Variants in CYP7B1 observed in about 807,000 individuals in gnomAD.
CYP7B1 encodes the protein cytochrome P450 7B1.
A neutral mutation model predicts 42.7 loss-of-function variants in CYP7B1; 29 were observed. The ratio of observed to expected loss-of-function variants is 0.68; its 90% confidence interval spans 0.51 to 0.93. The LOEUF (loss-of-function observed/expected upper bound fraction) is 0.93, where lower values mean the gene tolerates loss of function less well. Ranked by LOEUF, CYP7B1 falls within the 40% of genes least tolerant of loss-of-function variation. CYP7B1 has a pLI of 0.00. For synonymous variants in CYP7B1, 235 were observed against 218.2 expected (o/e 1.08, Z -0.68); for missense variants, 655 against 600.5 (o/e 1.09, Z -0.95).
intron 1 of CYP7B1, among the ~76,000 whole-genome samples, chr8:64,773,318 T>G (rs1352882920): frequency 1.3e-5 from 2 of 152,220 alleles, no homozygotes; most frequent in Non-Finnish European, 2.9e-5. Flanking sequence ...TGTACACTTG[T>G]TTCTCTTTAG....
chr8:64,794,622 T>C (rs1804676593), intron 1 of CYP7B1, among the ~76,000 whole-genome samples: 2 of 152,102 alleles, frequency 1.3e-5, no homozygotes, highest in Non-Finnish European at 2.9e-5. Flanking sequence ...ACTAATCTCA[T>C]CTATGAAGGC....
chr8:64,725,542 T>C (rs893062855), intron 1 of CYP7B1, among the ~76,000 whole-genome samples: 1 of 152,164 alleles, frequency 6.6e-6, no homozygotes, highest in African/African-American at 2.4e-5. Flanking sequence ...TGCCCTAGGG[T>C]TTCAGAAGGT....
chr8:64,796,557 A>G (rs899486343), intron 1 of CYP7B1, among the ~76,000 whole-genome samples: 7 of 152,220 alleles, frequency 4.6e-5, no homozygotes, highest in Non-Finnish European at 8.8e-5. Context: ...GTTTGGCAAC[A>G]TCTATTAAAA....
chr8:64,710,894 C>A (rs942360730), intron 1 of CYP7B1, among the ~76,000 whole-genome samples: 2 of 151,778 alleles, frequency 1.3e-5, no homozygotes, highest in Non-Finnish European at 2.9e-5. Flanking sequence ...ATTCAAGCAG[C>A]CCAATTTTAA....
rs566737324 is a variant in CYP7B1 at position 64,687,761 on chromosome 8, G to A, written c.123-63222C>T. Among the ~76,000 whole-genome samples the A allele has an allele frequency of 1.8e-4, 28 of 152,212 alleles. No individual in the cohort carries two copies. In the South Asian group the frequency reaches 5.2e-3, roughly 28 times the overall value. ...TCCTTGGATAATTCAGAGTTTCTCC[G>A]AGTATTTTTCAAGTATGTGTTACTC... On this transcript the variant is annotated intron_variant, in intron 1 of 5. Transcript: ENST00000310193.
chr8:64,650,859 G>A lies in CYP7B1; in HGVS notation c.123-26320C>T, dbSNP rs193165870. 2.7e-4 allele frequency among the ~76,000 whole-genome samples: 41 copies of A among 152,206 alleles called. 1 individual carries two copies. In the East Asian group the frequency reaches 6.8e-3, roughly 25 times the overall value. On this transcript the variant is annotated intron_variant, in intron 1 of 5. Coordinates refer to ENST00000310193, the MANE Select transcript of CYP7B1 (RefSeq NM_004820.5). ...GGCCTTCACCTGTCCTTTCATCCCAGCAAATACACCTTCTTCTAGAGTATT... is the reference window on the plus strand; with the variant it reads ...GGCCTTCACCTGTCCTTTCATCCCAACAAATACACCTTCTTCTAGAGTATT...
At chr8:64,646,872 C>T (rs76181517) in intron 1 of CYP7B1, among the ~76,000 whole-genome samples, 3,258 of 152,252 alleles carry the variant, frequency 0.021, 116 homozygotes, top group African/African-American at 0.072. Context: ...CTTTCTCACA[C>T]GTGTGTTCAC....
chr8:64,606,437 T>C (rs748967245), intron 4 of CYP7B1, among the ~76,000 whole-genome samples: 1 of 152,236 alleles, frequency 6.6e-6, no homozygotes, highest in Non-Finnish European at 1.5e-5. Context: ...CTGACATATG[T>C]AGCAATGCTA....
chr8:64,765,323 A>G (rs1397328132), intron 1 of CYP7B1, among the ~76,000 whole-genome samples: 1 of 152,196 alleles, frequency 6.6e-6, no homozygotes, highest in Admixed American at 6.5e-5. Flanking sequence ...TTCACATTGG[A>G]AAAAAATGGT....
intron 5 of CYP7B1, among the ~76,000 whole-genome samples, chr8:64,600,839 G>A (rs1197887086): frequency 6.6e-6 from 1 of 152,174 alleles, no homozygotes; most frequent in Non-Finnish European, 1.5e-5. Context: ...TGGTATGGCA[G>A]AAAACTTTTC....
chr8:64,733,260 C>T (rs1329032268), intron 1 of CYP7B1, among the ~76,000 whole-genome samples: 2 of 152,136 alleles, frequency 1.3e-5, no homozygotes, highest in East Asian at 1.9e-4. Flanking sequence ...ATGGGTCCCC[C>T]TACTATATTG....
At chr8:64,628,813 A>G (rs1014051686) in intron 1 of CYP7B1, among the ~76,000 whole-genome samples, 1 of 152,224 alleles carries the variant, frequency 6.6e-6, no homozygotes, top group Non-Finnish European at 1.5e-5. Flanking sequence ...AGAGTAGACC[A>G]ACACAGAATA....
intron 1 of CYP7B1, among the ~76,000 whole-genome samples, chr8:64,670,131 C>T (rs1026632913): frequency 6.6e-6 from 1 of 152,202 alleles, no homozygotes. Context: ...TTGTCTGTGC[C>T]GTGCCCTGTT....
chr8:64,698,278 G>T (rs1018859819), intron 1 of CYP7B1, among the ~76,000 whole-genome samples: 1 of 152,060 alleles, frequency 6.6e-6, no homozygotes, highest in Non-Finnish European at 1.5e-5. Flanking sequence ...TGCAGATCAC[G>T]TTGGCATGGT....
intron 1 of CYP7B1, chr8:64,703,723 A>G (rs1806951959): frequency 6.6e-6 from 1 of 152,092 alleles, no homozygotes; most frequent in South Asian, 2.1e-4. Flanking sequence ...ACAACAAGAC[A>G]AAATATTTTG....
intron 1 of CYP7B1, among the ~76,000 whole-genome samples, chr8:64,792,572 T>C (rs991930902): frequency 2.0e-5 from 3 of 152,154 alleles, no homozygotes; most frequent in Admixed American, 1.3e-4. Context: ...CAATGACTAA[T>C]AGTTGCCCTC....
intron 1 of CYP7B1, among the ~76,000 whole-genome samples, chr8:64,648,787 G>T (rs112245746): frequency 6.6e-6 from 1 of 152,202 alleles, no homozygotes; most frequent in African/African-American, 2.4e-5. Context: ...AATGCATATT[G>T]TAATTTCTGC....
At chr8:64,606,329 G>A (rs1281195290) in intron 4 of CYP7B1, among the ~76,000 whole-genome samples, 1 of 152,250 alleles carries the variant, frequency 6.6e-6, no homozygotes, top group African/African-American at 2.4e-5. Flanking sequence ...CAACATTTCT[G>A]TGGTGAAAAG....
rs1805121805 is a variant in CYP7B1 at position 64,596,694 on chromosome 8, C to G, written c.1469G>C (p.Gly490Ala). The G allele has an allele frequency of 6.2e-7, 1 of 1,613,482 alleles. No homozygotes were observed. The highest frequency in any genetic ancestry group is 8.5e-7 in the Non-Finnish European group (1 of 1,179,748). The change falls in exon 6 of 6, where the codon GGT becomes GCT. Residue 490 changes from glycine (G) to alanine (A), a missense_variant. Physicochemically the swap from Gly to Ala is moderately conservative, Grantham distance 60. Transcript: ENST00000310193. ...IGLNYSRLLFGIQYPDSDVLF... is the reference protein window; with the variant it reads ...IGLNYSRLLFAIQYPDSDVLF... ...AACATCAGAATCTGGATACTGAATA[C>G]CAAACAACAAGCGGCTGTAGTTTAG...
Sources: allele counts gnomAD v4.1 joint callset (sites outside exome capture counted in the v4.1 genomes callset), GRCh38; gene constraint gnomAD v4.1.1; transcripts MANE v1.5; gene names NCBI Gene and HGNC (gene_info 2026-07-23, HGNC 2026-07-21).